The following FBXL17 variants were observed in gnomAD, a reference collection of about 807,000 sequenced individuals.
FBXL17 encodes F-box/LRR-repeat protein 17.
A neutral mutation model predicts 66.2 loss-of-function variants in FBXL17; 22 were observed. The ratio of observed to expected loss-of-function variants is 0.33; its 90% CI spans 0.24 to 0.47. The LOEUF (loss-of-function observed/expected upper bound fraction) is 0.47, where lower values mean the gene tolerates loss of function less well. Among genes scored for constraint, FBXL17 ranks in the 20% least tolerant of loss-of-function variants. FBXL17 has a pLI of 1.00. For missense variants in FBXL17, 878 were observed against 948.2 expected, an observed-to-expected ratio of 0.93 and a Z score of 0.97; for synonymous variants, 474 against 400.5, an observed-to-expected ratio of 1.18 and a Z score of -2.19.
chr5:108,237,342 T>C (rs966921995), intron 4 of FBXL17, among the ~76,000 whole-genome samples: 19 of 152,196 alleles, frequency 1.2e-4, no homozygotes, highest in African/African-American at 2.4e-5. Flanking sequence ...TGAAGAGTCC[T>C]AGCTCCCACA....
intron 4 of FBXL17, 147 bp from the exon 5 acceptor site, chr5:108,224,375 T>C: frequency 2.1e-6 from 1 of 466,792 alleles, no homozygotes; most frequent in Non-Finnish European, 3.9e-6. Flanking sequence ...AAACATGCTA[T>C]AATATTCCTG....
At chr5:108,198,439 G>GA (rs907862453) in intron 5 of FBXL17, among the ~76,000 whole-genome samples, 10 of 152,010 alleles carry the variant, frequency 6.6e-5, no homozygotes, top group African/African-American at 2.2e-4. Context: ...ATGCAGATTT[G>GA]AAAAAAATAG....
chr5:108,163,402 T>TG (rs1192367871), intron 6 of FBXL17, among the ~76,000 whole-genome samples: 6 of 70,710 alleles, frequency 8.5e-5, no homozygotes, highest in African/African-American at 2.0e-4. Flanking sequence ...TTTTTTTCTT[T>TG]TTTTTTTTTT....
At chr5:108,025,018 C>T (rs1176130641) in intron 6 of FBXL17, among the ~76,000 whole-genome samples, 1 of 152,136 alleles carries the variant, frequency 6.6e-6, no homozygotes, top group African/African-American at 2.4e-5. Flanking sequence ...TTATGGAAAA[C>T]AATGGCCCAT....
At chr5:108,348,631 TTAAA>T (rs1747435244) in intron 3 of FBXL17, 101 bp from the exon 4 acceptor site, 7 of 1,140,962 alleles carry the variant, frequency 6.1e-6, no homozygotes, top group Admixed American at 2.2e-5. Flanking sequence ...CACGTCAGAG[TTAAA>T]TATTTATGTT....
intron 8 of FBXL17, among the ~76,000 whole-genome samples, chr5:107,867,401 C>T (rs1414314336): frequency 6.6e-6 from 1 of 152,238 alleles, no homozygotes; most frequent in Non-Finnish European, 1.5e-5. Flanking sequence ...TGGCAACCCT[C>T]CATACTGGAG....
intron 7 of FBXL17, among the ~76,000 whole-genome samples, chr5:108,001,383 G>C (rs1369241099): frequency 6.6e-6 from 1 of 151,970 alleles, no homozygotes; most frequent in African/African-American, 2.4e-5. Flanking sequence ...TAAAATGTCT[G>C]AAATTAATTA....
chr5:108,349,618 A>C (rs945108635), intron 3 of FBXL17, among the ~76,000 whole-genome samples: 1 of 152,184 alleles, frequency 6.6e-6, no homozygotes, highest in Non-Finnish European at 1.5e-5. Context: ...TTGTTAAATA[A>C]GGTAACTCTG....
chr5:108,112,815 A>G (rs1252857039), intron 6 of FBXL17, among the ~76,000 whole-genome samples: 1 of 117,796 alleles, frequency 8.5e-6, no homozygotes, highest in Non-Finnish European at 2.1e-5. Flanking sequence ...CAAGGTCAAA[A>G]TATTATAAAT....
intron 6 of FBXL17, among the ~76,000 whole-genome samples, chr5:108,162,845 A>G (rs114726734): frequency 0.013 from 1,914 of 152,248 alleles, 23 homozygotes; most frequent in Non-Finnish European, 0.021. Context: ...GTTAGTGGTT[A>G]TTGGTATTAT....
chr5:107,913,784 A>C (rs1750035029), intron 7 of FBXL17, among the ~76,000 whole-genome samples: 1 of 152,132 alleles, frequency 6.6e-6, no homozygotes, highest in South Asian at 2.1e-4. Flanking sequence ...GTCACTGCTT[A>C]TTCTGCAAAA....
chr5:108,087,504 T>C (rs1196518321), intron 6 of FBXL17, among the ~76,000 whole-genome samples: 2 of 152,088 alleles, frequency 1.3e-5, no homozygotes, highest in African/African-American at 4.8e-5. Flanking sequence ...AACACATCTT[T>C]GTGACCGCAT....
intron 6 of FBXL17, among the ~76,000 whole-genome samples, chr5:108,033,124 G>C (rs1473797655): frequency 2.0e-5 from 3 of 152,138 alleles, no homozygotes; most frequent in Non-Finnish European, 4.4e-5. Context: ...ACAGAATTGT[G>C]TAGTAAAAAA....
chr5:108,227,326 C>G (rs903330185), intron 4 of FBXL17, among the ~76,000 whole-genome samples: 5 of 152,056 alleles, frequency 3.3e-5, no homozygotes, highest in African/African-American at 1.2e-4. Context: ...AATAAAATTC[C>G]TTTTTCGTCT....
At chr5:108,318,455 T>C (rs924616065) in intron 4 of FBXL17, among the ~76,000 whole-genome samples, 4 of 151,774 alleles carry the variant, frequency 2.6e-5, no homozygotes, top group African/African-American at 9.7e-5. Context: ...AAAACATGTA[T>C]ACAGGAAAAA....
At chr5:107,982,639 T>C (rs755938140) in intron 7 of FBXL17, among the ~76,000 whole-genome samples, 1 of 152,202 alleles carries the variant, frequency 6.6e-6, no homozygotes, top group East Asian at 1.9e-4. Flanking sequence ...AAGAGTTCTA[T>C]AAACCATTTT....
intron 4 of FBXL17, among the ~76,000 whole-genome samples, chr5:108,248,760 A>C (rs975406603): frequency 3.3e-4 from 50 of 152,144 alleles, no homozygotes; most frequent in East Asian, 3.9e-4. Context: ...ATTTCTCATC[A>C]GAAACCATGT....
chr5:107,900,215 A>G (rs537828806), intron 7 of FBXL17, among the ~76,000 whole-genome samples: 1 of 152,294 alleles, frequency 6.6e-6, no homozygotes, highest in East Asian at 1.9e-4. Context: ...TCTTTTAGTA[A>G]GGTTAATTCC....
intron 7 of FBXL17, among the ~76,000 whole-genome samples, chr5:107,919,584 A>AC (rs1326795677): frequency 6.6e-6 from 1 of 151,460 alleles, no homozygotes; most frequent in Non-Finnish European, 1.5e-5. Context: ...TGCTCACTCC[A>AC]CTCCAGCTAC....
Sources: allele counts gnomAD v4.1 joint callset (sites outside exome capture counted in the v4.1 genomes callset), GRCh38; gene constraint gnomAD v4.1.1; transcripts MANE v1.5; gene names NCBI Gene and HGNC (gene_info 2026-07-23, HGNC 2026-07-21).